CCSER1: variants seen among roughly 807,000 people sequenced by gnomAD.
CCSER1 encodes the protein serine-rich coiled-coil domain-containing protein 1.
A neutral mutation model predicts 82.0 loss-of-function variants in CCSER1; 41 were observed. The observed-to-expected ratio is 0.50, with a 90% CI of 0.39 to 0.65. The LOEUF is 0.65. Among genes scored for constraint, CCSER1 ranks in the 30% least tolerant of loss-of-function variants. The pLI is 0.00. For synonymous variants in CCSER1, 414 were observed against 383.9 expected (o/e 1.08, Z -0.92); for missense variants, 1,119 against 1,064.2 (o/e 1.05, Z -0.72).
intron 10 of CCSER1, among the ~76,000 whole-genome samples, chr4:91,448,957 G>A (rs1328414551): frequency 2.6e-5 from 4 of 152,026 alleles, no homozygotes; most frequent in Non-Finnish European, 5.9e-5. Flanking sequence ...AATAGTGATG[G>A]GGTAGGGGGT....
In CCSER1 at chr4:91,312,600, G is replaced by C. The variant is rs148821302; in HGVS notation, c.2217+226606G>C. Among the ~76,000 whole-genome samples the C allele has an allele frequency of 9.1e-4, 138 of 151,938 alleles. 1 individual carries two copies. In the East Asian group the frequency reaches 0.025, roughly 28 times the overall value. On this transcript the variant is annotated intron_variant, in intron 10 of 10. Transcript: ENST00000509176. Reference sequence around the variant, plus strand: ...TGCCCTCAAGAAAAAAAGGCATAAAGCACGCAATACAGACTGGTGGACTTT... The same window carrying C: ...TGCCCTCAAGAAAAAAAGGCATAAACCACGCAATACAGACTGGTGGACTTT...
chr4:90,881,919 A>G (rs562927511), intron 8 of CCSER1, among the ~76,000 whole-genome samples: 2 of 152,270 alleles, frequency 1.3e-5, no homozygotes, highest in East Asian at 3.9e-4. Flanking sequence ...AGCAATGCGA[A>G]TATGTTTTAT....
At chr4:90,692,001 T>C (rs1186603327) in intron 6 of CCSER1, among the ~76,000 whole-genome samples, 2 of 148,198 alleles carry the variant, frequency 1.3e-5, no homozygotes, top group African/African-American at 5.0e-5. Flanking sequence ...TTTTAAAATT[T>C]TGCAATTAAA....
chr4:90,569,413 G>C (rs1779845874), intron 5 of CCSER1, among the ~76,000 whole-genome samples: 2 of 152,138 alleles, frequency 1.3e-5, no homozygotes, highest in South Asian at 4.1e-4. Flanking sequence ...AATTGATAGA[G>C]ACGTGATACA....
chr4:91,032,298 A>G (rs1184832398), intron 9 of CCSER1, among the ~76,000 whole-genome samples: 1 of 152,146 alleles, frequency 6.6e-6, no homozygotes, highest in Non-Finnish European at 1.5e-5. Context: ...ATAATGTCTA[A>G]CCCATCTACA....
At chr4:91,529,325 G>A (rs1385754539) in intron 10 of CCSER1, among the ~76,000 whole-genome samples, 1 of 152,106 alleles carries the variant, frequency 6.6e-6, no homozygotes, top group African/African-American at 2.4e-5. Context: ...CTGTAGCCAT[G>A]AGGGTAATTT....
chr4:91,391,162 C>A (rs1028575739), intron 10 of CCSER1, among the ~76,000 whole-genome samples: 6 of 151,882 alleles, frequency 4.0e-5, no homozygotes, highest in Admixed American at 3.9e-4. Flanking sequence ...GATTGTTCTT[C>A]TTTTCTAATA....
intron 4 of CCSER1, among the ~76,000 whole-genome samples, chr4:90,459,281 T>C (rs1005041505): frequency 2.0e-5 from 3 of 152,196 alleles, no homozygotes; most frequent in African/African-American, 4.8e-5. Context: ...GTCAGAGATA[T>C]TTGGAATGGG....
intron 9 of CCSER1, among the ~76,000 whole-genome samples, chr4:90,974,892 T>C (rs895803467): frequency 1.3e-5 from 2 of 151,370 alleles, no homozygotes; most frequent in Non-Finnish European, 3.0e-5. Flanking sequence ...TAAAAACTTA[T>C]GTTCACACAA....
chr4:90,270,890 A>G (rs2153453642), intron 1 of CCSER1, among the ~76,000 whole-genome samples: 1 of 152,274 alleles, frequency 6.6e-6, no homozygotes, highest in East Asian at 1.9e-4. Flanking sequence ...TGCATTTATA[A>G]TAGCTACAAA....
intron 7 of CCSER1, among the ~76,000 whole-genome samples, chr4:90,795,585 G>C (rs572786700): frequency 1.3e-4 from 20 of 152,306 alleles, no homozygotes; most frequent in African/African-American, 4.8e-4. Flanking sequence ...TTTTTCAGGA[G>C]AATGCTTCCA....
chr4:90,454,511 G>A (rs1390786427), intron 4 of CCSER1, among the ~76,000 whole-genome samples: 3 of 152,146 alleles, frequency 2.0e-5, no homozygotes, highest in Non-Finnish European at 4.4e-5. Context: ...TTAGCTTGGA[G>A]TAATTAAGAG....
chr4:91,259,429 G>A (rs1740934105), intron 10 of CCSER1, among the ~76,000 whole-genome samples: 1 of 151,960 alleles, frequency 6.6e-6, no homozygotes, highest in Admixed American at 6.6e-5. Context: ...ATACAAACAT[G>A]AACAAGACCT....
intron 9 of CCSER1, among the ~76,000 whole-genome samples, chr4:91,017,526 C>T (rs548985344): frequency 1.3e-5 from 2 of 151,932 alleles, no homozygotes; most frequent in East Asian, 3.9e-4. Context: ...AAGTCTAGTC[C>T]CCATTAGTTA....
chr4:90,181,257 C>A (rs1406444286), intron 1 of CCSER1, among the ~76,000 whole-genome samples: 1 of 152,066 alleles, frequency 6.6e-6, no homozygotes, highest in African/African-American at 2.4e-5. Flanking sequence ...ACAAAGTAAG[C>A]ATTTGATAAT....
At chr4:90,542,202 T>C (rs1258667954) in intron 5 of CCSER1, among the ~76,000 whole-genome samples, 1 of 152,078 alleles carries the variant, frequency 6.6e-6, no homozygotes, top group Non-Finnish European at 1.5e-5. Context: ...ACCAGTTACT[T>C]GTCCAAATTG....
chr4:91,476,164 G>A (rs1408143673), intron 10 of CCSER1, among the ~76,000 whole-genome samples: 1 of 151,696 alleles, frequency 6.6e-6, no homozygotes, highest in Non-Finnish European at 1.5e-5. Context: ...TCATCAGTGG[G>A]ATGGGTAGAT....
intron 10 of CCSER1, among the ~76,000 whole-genome samples, chr4:91,330,952 G>A (rs574635450): frequency 6.6e-6 from 1 of 152,162 alleles, no homozygotes; most frequent in African/African-American, 2.4e-5. Context: ...GTTCAGCCTG[G>A]GACATGAATC....
chr4:90,770,635 T>C (rs1350928133), intron 7 of CCSER1, among the ~76,000 whole-genome samples: 2 of 152,150 alleles, frequency 1.3e-5, no homozygotes, highest in Admixed American at 6.6e-5. Flanking sequence ...TATGCCATCA[T>C]TGTATTCCTT....
Sources: allele counts gnomAD v4.1 joint callset (sites outside exome capture counted in the v4.1 genomes callset), GRCh38; gene constraint gnomAD v4.1.1; transcripts MANE v1.5; gene names NCBI Gene and HGNC (gene_info 2026-07-23, HGNC 2026-07-21).